The following GALNT13 variants were observed in gnomAD, a reference collection of about 807,000 sequenced individuals.
The protein encoded by GALNT13 is polypeptide N-acetylgalactosaminyltransferase 13.
In GALNT13, 28 loss-of-function variants were observed where a neutral mutation model predicts 64.2. The ratio of observed to expected loss-of-function variants is 0.44; its 90% CI spans 0.32 to 0.60. The LOEUF (loss-of-function observed/expected upper bound fraction) is 0.60, where lower values mean the gene tolerates loss of function less well. Ranked by LOEUF, GALNT13 falls within the 20% of genes least tolerant of loss-of-function variation. GALNT13 has a pLI of 0.05. For synonymous variants in GALNT13, 214 were observed against 224.6 expected (o/e 0.95, Z 0.42); for missense variants, 577 against 669.8 (o/e 0.86, Z 1.53).
At chr2:153,767,847 T>C in the GALNT13 span, among the ~76,000 whole-genome samples, 2 of 152,256 alleles carry the variant, frequency 1.3e-5, no homozygotes, top group African/African-American at 2.4e-5. Context: ...ATTCTGGATA[T>C]TAGTTCCTTG....
chr2:153,834,319 A>T, the GALNT13 span, among the ~76,000 whole-genome samples: 1 of 152,264 alleles, frequency 6.6e-6, no homozygotes, highest in Middle Eastern at 3.4e-3. Context: ...AGGAGGCCAG[A>T]TTAAACAGTA....
chr2:153,224,431 TCA>T, the GALNT13 span, among the ~76,000 whole-genome samples: 4 of 152,216 alleles, frequency 2.6e-5, no homozygotes, highest in East Asian at 7.7e-4. Context: ...AACCTCAGCA[TCA>T]CACAATATAC....
the GALNT13 span, among the ~76,000 whole-genome samples, chr2:153,411,770 A>G: frequency 6.6e-6 from 1 of 152,198 alleles, no homozygotes; most frequent in Admixed American, 6.5e-5. Flanking sequence ...AGCATGGTAG[A>G]AATGCTTTTG....
chr2:154,369,721 G>A (rs1697574243), intron 9 of GALNT13, among the ~76,000 whole-genome samples: 1 of 152,138 alleles, frequency 6.6e-6, no homozygotes, highest in African/African-American at 2.4e-5. Flanking sequence ...TGCTATAACA[G>A]AATACCATAG....
the GALNT13 span, among the ~76,000 whole-genome samples, chr2:153,257,856 G>A: frequency 9.2e-5 from 14 of 152,164 alleles, no homozygotes; most frequent in Non-Finnish European, 1.9e-4. Context: ...CCAAGGCTTT[G>A]ACTGGAATGG....
At chr2:154,161,730 AGGATTAGTTTATAGGAAAAGACAAG>A (rs937381191) in intron 4 of GALNT13, among the ~76,000 whole-genome samples, 16 of 152,130 alleles carry the variant, frequency 1.1e-4, no homozygotes, top group African/African-American at 3.4e-4. Flanking sequence ...TATAAACAAG[AGGATTAGTTTATAGGAAAAGACAAG>A]GCTGAGCAAC....
At chr2:154,349,424 C>T (rs1696261421) in intron 9 of GALNT13, among the ~76,000 whole-genome samples, 1 of 152,142 alleles carries the variant, frequency 6.6e-6, no homozygotes, top group Non-Finnish European at 1.5e-5. Flanking sequence ...CCTCCCTGAC[C>T]AAAATATAAA....
the GALNT13 span, among the ~76,000 whole-genome samples, chr2:153,815,434 T>G: frequency 6.6e-6 from 1 of 151,930 alleles, no homozygotes; most frequent in African/African-American, 2.4e-5. Context: ...CTCACTTTAT[T>G]CCATTCAGGT....
chr2:153,722,661 GA>G, the GALNT13 span, among the ~76,000 whole-genome samples: 5 of 152,164 alleles, frequency 3.3e-5, no homozygotes, highest in Admixed American at 2.6e-4. Flanking sequence ...TATCATCAGA[GA>G]ATACTACAAA....
At chr2:153,177,362 A>T in the GALNT13 span, among the ~76,000 whole-genome samples, 1 of 152,154 alleles carries the variant, frequency 6.6e-6, no homozygotes, top group Non-Finnish European at 1.5e-5. Context: ...ACAATGCTTG[A>T]TTCCCACAGA....
At chr2:153,274,093 C>A in the GALNT13 span, among the ~76,000 whole-genome samples, 1 of 152,120 alleles carries the variant, frequency 6.6e-6, no homozygotes, top group South Asian at 2.1e-4. Context: ...ATCCCAGCTA[C>A]TCAGGAGGCT....
chr2:154,036,857 C>T (rs980775949), intron 3 of GALNT13, among the ~76,000 whole-genome samples: 1 of 151,690 alleles, frequency 6.6e-6, no homozygotes, highest in African/African-American at 2.4e-5. Flanking sequence ...TTGTTCCACC[C>T]AAGGAATTCT....
the GALNT13 span, among the ~76,000 whole-genome samples, chr2:153,450,338 T>A: frequency 2.1e-4 from 32 of 152,272 alleles, no homozygotes; most frequent in African/African-American, 7.2e-4. Context: ...TTCCTCCCCA[T>A]CTTACTCAAC....
chr2:153,347,179 G>C, the GALNT13 span, among the ~76,000 whole-genome samples: 1 of 152,192 alleles, frequency 6.6e-6, no homozygotes, highest in African/African-American at 2.4e-5. Context: ...GGGCATAAAA[G>C]CCCAACCTGG....
intron 3 of GALNT13, among the ~76,000 whole-genome samples, chr2:154,102,209 T>G (rs939445130): frequency 2.0e-5 from 3 of 152,170 alleles, no homozygotes; most frequent in African/African-American, 7.2e-5. Context: ...TGATTTTCTA[T>G]CTCTCTATGA....
chr2:154,220,647 T>C (rs192963533), intron 4 of GALNT13, among the ~76,000 whole-genome samples: 2 of 152,042 alleles, frequency 1.3e-5, no homozygotes, highest in Non-Finnish European at 2.9e-5. Flanking sequence ...CTTGTACAAA[T>C]TTTTTTTATC....
intron 3 of GALNT13, among the ~76,000 whole-genome samples, chr2:154,019,489 C>G (rs1285044900): frequency 1.3e-5 from 2 of 151,552 alleles, no homozygotes; most frequent in African/African-American, 2.4e-5. Flanking sequence ...AAAAAATTAG[C>G]TGGGTGTGGT....
At chr2:153,750,539 G>A in the GALNT13 span, among the ~76,000 whole-genome samples, 1 of 151,272 alleles carries the variant, frequency 6.6e-6, no homozygotes, top group South Asian at 2.1e-4. Flanking sequence ...TTTTTTTTAT[G>A]GTTCAGTCTT....
the GALNT13 span, among the ~76,000 whole-genome samples, chr2:153,241,801 CCTT>C: frequency 1.3e-5 from 2 of 151,856 alleles, no homozygotes; most frequent in Non-Finnish European, 2.9e-5. Context: ...CCCCTCTCCC[CCTT>C]ATAGAAAGAA....
Sources: allele counts gnomAD v4.1 joint callset (sites outside exome capture counted in the v4.1 genomes callset), GRCh38; gene constraint gnomAD v4.1.1; transcripts MANE v1.5; gene names NCBI Gene and HGNC (gene_info 2026-07-23, HGNC 2026-07-21).